Variants in FSTL5 observed in about 807,000 individuals in gnomAD.
The protein encoded by FSTL5 is follistatin like 5.
FSTL5 carries 62 observed loss-of-function variants against 89.1 expected under a neutral mutation model. The ratio of observed to expected loss-of-function variants is 0.70; its 90% CI spans 0.57 to 0.86. FSTL5 has a LOEUF of 0.86. Ranked by LOEUF, FSTL5 falls within the 40% of genes least tolerant of loss-of-function variation. FSTL5 has a pLI of 0.00. For synonymous variants in FSTL5, 383 were observed against 346.2 expected (o/e 1.11, Z -1.18); for missense variants, 1,057 against 1,001.6 (o/e 1.06, Z -0.75).
At chr4:162,105,320 CTT>C (rs770416448) in intron 2 of FSTL5, among the ~76,000 whole-genome samples, 29 of 152,294 alleles carry the variant, frequency 1.9e-4, no homozygotes, top group Admixed American at 5.2e-4. Flanking sequence ...ATATGCAAAA[CTT>C]ATTCATCTTG....
At chr4:162,081,793 TTCTC>T (rs5863514) in intron 2 of FSTL5, among the ~76,000 whole-genome samples, 138,049 of 148,612 alleles carry the variant, frequency 0.93, 64,594 homozygotes, top group Non-Finnish European at 0.99. Flanking sequence ...AGAAAACTGC[TTCTC>T]TCTCTCTCTC....
At chr4:161,687,293 G>A (rs137983517) in intron 6 of FSTL5, among the ~76,000 whole-genome samples, 4 of 152,004 alleles carry the variant, frequency 2.6e-5, no homozygotes, top group African/African-American at 9.7e-5. Flanking sequence ...CTTAACATAT[G>A]TGCTTCAGGA....
At chr4:161,533,248 A>C (rs1731486686) in intron 10 of FSTL5, among the ~76,000 whole-genome samples, 1 of 151,922 alleles carries the variant, frequency 6.6e-6, no homozygotes, top group Non-Finnish European at 1.5e-5. Flanking sequence ...AACAAAATTG[A>C]GAACTAAAAG....
intron 2 of FSTL5, among the ~76,000 whole-genome samples, chr4:162,077,215 T>C (rs1289147257): frequency 6.6e-6 from 1 of 151,360 alleles, no homozygotes; most frequent in Non-Finnish European, 1.5e-5. Context: ...GGCAAGAGAG[T>C]GAGGGAGAGA....
intron 3 of FSTL5, among the ~76,000 whole-genome samples, chr4:161,991,288 A>G (rs1405333842): frequency 6.6e-6 from 1 of 152,200 alleles, no homozygotes; most frequent in East Asian, 1.9e-4. Context: ...ACTGAACTTG[A>G]AAGCAAAAAT....
At position 162,033,855 on chromosome 4, in the gene FSTL5, A is replaced by G. The variant is rs1401204196; in HGVS notation, c.127-197T>C. Among the ~76,000 whole-genome samples, 3 of 152,224 alleles carry G rather than the reference A, an allele frequency of 2.0e-5. No individual in the cohort carries two copies. The East Asian group carries it at 5.8e-4, about 29-fold the overall frequency. ...GCCCTGTTGCCCAGGCTGGAGTGCA[A>G]TGGCATGAACATGGTTCACTGCAGC... On this transcript the variant is annotated intron_variant, in intron 2 of 15. Transcript: ENST00000306100.
intron 4 of FSTL5, among the ~76,000 whole-genome samples, chr4:161,777,231 A>ATATTTCATT (rs1338911424): frequency 2.0e-5 from 2 of 101,686 alleles, no homozygotes; most frequent in African/African-American, 6.8e-5. Context: ...TGACTGAATA[A>ATATTTCATT]TATTTCATTG....
Position 162,128,595 on chromosome 4 carries a change from T to A in FSTL5, c.-16-17183A>T, listed in dbSNP as rs551035528. ...AAATAAATTCTTGACATTTATAACC[T>A]TCCCAGCTTATGACATTTTGTTATA... On this transcript the variant is annotated intron_variant, in intron 1 of 15. Coordinates refer to ENST00000306100, the MANE Select transcript of FSTL5 (RefSeq NM_020116.5). Among the ~76,000 whole-genome samples, 34 of 152,286 alleles carry A rather than the reference T, an allele frequency of 2.2e-4. No individual in the cohort carries two copies. The South Asian group carries it at 6.6e-3, about 30-fold the overall frequency.
chr4:161,643,824 G>C (rs182118010), intron 7 of FSTL5, among the ~76,000 whole-genome samples: 11 of 152,282 alleles, frequency 7.2e-5, no homozygotes, highest in Non-Finnish European at 2.9e-5. Context: ...TGTGGCTACT[G>C]TAAGAAAATA....
intron 12 of FSTL5, among the ~76,000 whole-genome samples, chr4:161,494,978 C>T (rs1730012926): frequency 6.6e-6 from 1 of 152,062 alleles, no homozygotes; most frequent in Non-Finnish European, 1.5e-5. Flanking sequence ...AGAAGGATCA[C>T]TTGAGCCCAG....
intron 2 of FSTL5, chr4:162,041,790 A>G (rs1440376678): frequency 6.6e-6 from 1 of 152,150 alleles, no homozygotes. Flanking sequence ...TTACCACCAG[A>G]ATTTTAAAAA....
rs561741138 is a variant in FSTL5, at chr4:161,985,918, G to A, written c.160+47707C>T. Among the ~76,000 whole-genome samples, 5 of 152,136 alleles carry A rather than the reference G, an allele frequency of 3.3e-5. No homozygotes were observed. The South Asian group carries it at 1.0e-3, about 32-fold the overall frequency. On this transcript the variant is annotated intron_variant, in intron 3 of 15. Coordinates refer to ENST00000306100, the MANE Select transcript of FSTL5 (RefSeq NM_020116.5). ...TTCCTTGAAATGTGGAGTCCTCTAT[G>A]GAACTACTTTTCCTGACTACCTGAC...
intron 12 of FSTL5, among the ~76,000 whole-genome samples, chr4:161,492,840 A>C (rs536543538): frequency 6.6e-6 from 1 of 152,188 alleles, no homozygotes; most frequent in South Asian, 2.1e-4. Context: ...GGTATATAAA[A>C]TAATTATATA....
In FSTL5 at chr4:161,527,841, C is replaced by A. The variant is rs921295718; in HGVS notation, c.1312+10325G>T. On this transcript the variant is annotated intron_variant, in intron 10 of 15. Transcript: ENST00000306100. ...AATCATGCTGCTATAAAGACACATG[C>A]ACACGTATGTTTGTTGCGGCACTAT... Among the ~76,000 whole-genome samples, 66 of 151,292 alleles carry A rather than the reference C, an allele frequency of 4.4e-4. 1 individual carries two copies. The highest frequency in any genetic ancestry group is 1.6e-3 in the African/African-American group (64 of 40,756).
chr4:161,763,437 G>C (rs1239637848), intron 5 of FSTL5, among the ~76,000 whole-genome samples: 3 of 152,132 alleles, frequency 2.0e-5, no homozygotes, highest in African/African-American at 7.2e-5. Flanking sequence ...GGATGATTTG[G>C]AAGTACAAGA....
At chr4:162,053,420 C>A (rs530746657) in intron 2 of FSTL5, among the ~76,000 whole-genome samples, 2 of 151,862 alleles carry the variant, frequency 1.3e-5, no homozygotes, top group East Asian at 3.9e-4. Context: ...CTTTGAGAAT[C>A]TGTGTCCTAG....
chr4:161,945,381 TATC>T (rs1277816538), intron 3 of FSTL5, among the ~76,000 whole-genome samples: 1 of 152,180 alleles, frequency 6.6e-6, no homozygotes, highest in Admixed American at 6.6e-5. Context: ...TTTGACATGT[TATC>T]ATAGATTTTC....
chr4:161,706,005 T>TAC lies in FSTL5; in HGVS notation c.728-49513_728-49512dup, dbSNP rs1206883176. Among the ~76,000 whole-genome samples the TAC allele has an allele frequency of 1.2e-3, 121 of 102,704 alleles. 1 individual carries two copies. Among genetic ancestry groups the TAC allele is most frequent in the African/African-American group, 4.1e-3 (116 of 28,564 alleles). The allele number at this position is 102,704 out of a possible 152,430, so 67.4% of individuals were successfully genotyped here. ...ATATATATATATATATACACACATC[T>TAC]ACACACACACAGACTATACCTTTTT... On this transcript the variant is annotated intron_variant, in intron 6 of 15. Transcript: ENST00000306100.
At chr4:161,898,692 T>G (rs1733251681) in intron 4 of FSTL5, among the ~76,000 whole-genome samples, 1 of 148,834 alleles carries the variant, frequency 6.7e-6, no homozygotes. Context: ...TGCAGTGGCA[T>G]GATCTCGGCT....
Sources: allele counts gnomAD v4.1 joint callset (sites outside exome capture counted in the v4.1 genomes callset), GRCh38; gene constraint gnomAD v4.1.1; transcripts MANE v1.5; gene names NCBI Gene and HGNC (gene_info 2026-07-23, HGNC 2026-07-21).